Variants in ZNF730 observed in about 807,000 individuals in gnomAD.
ZNF730 encodes putative zinc finger protein 730.
In ZNF730, 12 loss-of-function variants were observed where a neutral mutation model predicts 12.6. The ratio of observed to expected loss-of-function variants is 0.95; its 90% CI spans 0.61 to 1.54. The LOEUF is 1.54. Among genes scored for constraint, ZNF730 ranks in the 40% most tolerant of loss-of-function variants. The pLI, the probability that ZNF730 is intolerant of heterozygous loss-of-function variation, is 0.00. For synonymous variants in ZNF730, 194 were observed against 195.8 expected (o/e 0.99, Z 0.08); for missense variants, 643 against 583.5 (o/e 1.10, Z -1.05).
At chr19:23,134,005 A>C (rs1356122607) in intron 1 of ZNF730, 75 bp from the exon 2 acceptor site, 3 of 1,575,988 alleles carry the variant, frequency 1.9e-6, no homozygotes, top group Non-Finnish European at 2.6e-6. Context: ...ATTTACTCTT[A>C]TTTCACCTTG....
At chr19:23,139,288 T>TGTCACTCTCCC (rs1401419606) in intron 3 of ZNF730, among the ~76,000 whole-genome samples, 1 of 152,186 alleles carries the variant, frequency 6.6e-6, no homozygotes, top group African/African-American at 2.4e-5. Context: ...TAAGCTTGGA[T>TGTCACTCTCCC]TACAGCAGTT....
At chr19:23,112,408 C>T (rs1399450564), upstream of ZNF730, among the ~76,000 whole-genome samples, 1 of 152,042 alleles carries the variant, frequency 6.6e-6, no homozygotes, top group Non-Finnish European at 1.5e-5. Flanking sequence ...TGTGAAAAAA[C>T]ATAACATCTT....
chr19:23,112,582 G>A (rs949439271), upstream of ZNF730, among the ~76,000 whole-genome samples: 5 of 152,014 alleles, frequency 3.3e-5, no homozygotes, highest in East Asian at 1.9e-4. Context: ...ATTAGTCAGC[G>A]TGGTGGTGCA....
upstream of ZNF730, among the ~76,000 whole-genome samples, chr19:23,113,098 CAG>C (rs532347235): frequency 3.4e-4 from 52 of 152,252 alleles, no homozygotes; most frequent in Middle Eastern, 3.4e-3. Flanking sequence ...ACTGTATAAA[CAG>C]AAGTGTCTGC....
In ZNF730 at chr19:23,146,434, T is replaced by C; in HGVS notation, c.1390T>C (p.Ser464Pro). The C allele has an allele frequency of 6.2e-7, 1 of 1,612,786 alleles. No individual in the cohort carries two copies. Among genetic ancestry groups the C allele is most frequent in the Non-Finnish European group, 8.5e-7 (1 of 1,179,826 alleles). The change falls in exon 4 of 4, where the codon TCC becomes CCC. Residue 464 changes from serine to proline, a missense_variant. Physicochemically the swap from Ser to Pro is moderately conservative, Grantham distance 74. Transcript: ENST00000597761. ...CEECGKAFNR[S>P]STLTTHKIIH... The stretch of plus-strand genomic sequence containing the variant: ...AGAATGTGGCAAAGCTTTTAACCGG[T>C]CCTCAACCCTCACTACACATAAGAT...
intron 1 of ZNF730, among the ~76,000 whole-genome samples, chr19:23,107,843 G>T (rs1970413954): frequency 1.3e-5 from 2 of 152,096 alleles, no homozygotes; most frequent in Non-Finnish European, 2.9e-5. Context: ...CCACCCCTTG[G>T]GTGAAACTGT....
At chr19:23,124,852 A>G (rs148774283) in intron 1 of ZNF730, among the ~76,000 whole-genome samples, 104 of 152,330 alleles carry the variant, frequency 6.8e-4, no homozygotes, top group African/African-American at 2.5e-3. Flanking sequence ...TATGGTTCTT[A>G]TCATACAGAA....
intron 1 of ZNF730, chr19:23,095,604 C>G (rs991554171): frequency 2.5e-6 from 1 of 394,650 alleles, no homozygotes. Context: ...TGACATCATT[C>G]TTTAGTTTTG....
chr19:23,112,697 T>C (rs1395015745), upstream of ZNF730, among the ~76,000 whole-genome samples: 10 of 150,322 alleles, frequency 6.7e-5, no homozygotes, highest in African/African-American at 2.5e-4. Flanking sequence ...CCCTCCAGGC[T>C]GGGCTACAGA....
chr19:23,081,347 T>G (rs1568298599), intron 1 of ZNF730, among the ~76,000 whole-genome samples: 1 of 151,966 alleles, frequency 6.6e-6, no homozygotes, highest in Non-Finnish European at 1.5e-5. Context: ...TGAGATGTAG[T>G]CTCTCTCAGT....
chr19:23,105,862 A>G (rs1257761472), intron 1 of ZNF730, among the ~76,000 whole-genome samples: 1 of 152,248 alleles, frequency 6.6e-6, no homozygotes, highest in African/African-American at 2.4e-5. Context: ...GTCAACAACA[A>G]CAAAAAACAA....
At chr19:23,113,414 C>G (rs1053960034), upstream of ZNF730, among the ~76,000 whole-genome samples, 11 of 152,140 alleles carry the variant, frequency 7.2e-5, no homozygotes, top group African/African-American at 2.7e-4. Flanking sequence ...ACTGGAATGA[C>G]AGAAACTCAA....
At chr19:23,115,414 A>G (rs1390683794), upstream of ZNF730, among the ~76,000 whole-genome samples, 1 of 152,216 alleles carries the variant, frequency 6.6e-6, no homozygotes, top group Non-Finnish European at 1.5e-5. Context: ...ATCCTTTGCC[A>G]CGTGCTTTTT....
upstream of ZNF730, among the ~76,000 whole-genome samples, chr19:23,115,733 C>T (rs1163204425): frequency 1.3e-5 from 2 of 151,938 alleles, no homozygotes; most frequent in Non-Finnish European, 2.9e-5. Context: ...GCTTCCTAGT[C>T]AAGAAGCAGT....
intron 1 of ZNF730, among the ~76,000 whole-genome samples, chr19:23,110,260 C>T (rs1599583853): frequency 7.9e-6 from 1 of 126,768 alleles, no homozygotes; most frequent in South Asian, 2.6e-4. Context: ...CATGAGCCAC[C>T]GTGTCTGGCC....
chr19:23,086,411 C>T (rs1970065499), intron 1 of ZNF730, among the ~76,000 whole-genome samples: 1 of 152,046 alleles, frequency 6.6e-6, no homozygotes, highest in African/African-American at 2.4e-5. Flanking sequence ...CCTAGGTTGT[C>T]TTTCAGGGTT....
At chr19:23,101,482 C>T (rs1970335163) in intron 1 of ZNF730, among the ~76,000 whole-genome samples, 1 of 152,204 alleles carries the variant, frequency 6.6e-6, no homozygotes, top group Non-Finnish European at 1.5e-5. Context: ...AGCACCTGGA[C>T]ATATATGGAA....
At chr19:23,096,784 G>C (rs917365431) in intron 1 of ZNF730, among the ~76,000 whole-genome samples, 48 of 152,296 alleles carry the variant, frequency 3.2e-4, no homozygotes, top group African/African-American at 1.1e-3. Flanking sequence ...GCCAAGCAGG[G>C]CTGTGATGTG....
At chr19:23,127,955 C>G in intron 1 of ZNF730, 2 of 718,950 alleles carry the variant, frequency 2.8e-6, no homozygotes, top group South Asian at 2.9e-5. Flanking sequence ...ATGTATTGTA[C>G]TGGCCTGCTG....
Sources: gnomAD v4.1 joint callset for allele counts (sites outside exome capture counted in the v4.1 genomes callset) on GRCh38, gnomAD v4.1.1 for gene constraint, MANE v1.5 for transcripts, NCBI Gene and HGNC (gene_info 2026-07-23, HGNC 2026-07-21) for gene names.